Variants in EXOC6B observed in about 807,000 individuals in gnomAD.
EXOC6B encodes the protein exocyst complex component 6B.
EXOC6B carries 54 observed loss-of-function variants against 113.5 expected under a neutral mutation model. The ratio of observed to expected loss-of-function variants is 0.48; its 90% CI spans 0.38 to 0.60. The LOEUF (loss-of-function observed/expected upper bound fraction) is 0.60, where lower values mean the gene tolerates loss of function less well. Among genes scored for constraint, EXOC6B ranks in the 20% least tolerant of loss-of-function variants. The pLI is 0.00. For missense variants in EXOC6B, 797 were observed against 977.5 expected (o/e 0.82, Z 2.46); for synonymous variants, 357 against 339.0 (o/e 1.05, Z -0.58).
intron 1 of EXOC6B, among the ~76,000 whole-genome samples, chr2:72,823,963 C>T (rs576197851): frequency 1.3e-4 from 20 of 152,166 alleles, no homozygotes; most frequent in African/African-American, 4.6e-4. Context: ...ACCATTGACC[C>T]TTAAGAGCTG....
chr2:72,660,765 G>T (rs1433745705), intron 6 of EXOC6B, among the ~76,000 whole-genome samples: 1 of 151,600 alleles, frequency 6.6e-6, no homozygotes, highest in Non-Finnish European at 1.5e-5. Context: ...ATAGTAGGTA[G>T]ATTGAGGAAG....
intron 19 of EXOC6B, among the ~76,000 whole-genome samples, chr2:72,375,832 G>A (rs1334809833): frequency 3.3e-5 from 5 of 152,182 alleles, no homozygotes; most frequent in African/African-American, 9.7e-5. Flanking sequence ...CTAGAAATTA[G>A]CTAGGCATCT....
chr2:72,332,541 A>G (rs1369845552), intron 20 of EXOC6B, among the ~76,000 whole-genome samples: 1 of 152,106 alleles, frequency 6.6e-6, no homozygotes, highest in Non-Finnish European at 1.5e-5. Flanking sequence ...GGTTAAGGTT[A>G]AGTGAGACAG....
intron 7 of EXOC6B, among the ~76,000 whole-genome samples, chr2:72,572,167 C>T (rs548617649): frequency 1.3e-5 from 2 of 152,084 alleles, no homozygotes; most frequent in Non-Finnish European, 2.9e-5. Flanking sequence ...AAGACCCAAA[C>T]ATTCATTTGT....
intron 20 of EXOC6B, among the ~76,000 whole-genome samples, chr2:72,316,021 A>G (rs1156304727): frequency 6.6e-6 from 1 of 152,192 alleles, no homozygotes; most frequent in African/African-American, 2.4e-5. Flanking sequence ...AGATTTTAGC[A>G]TCTTGAATTG....
At chr2:72,317,702 A>G (rs1296206146) in intron 20 of EXOC6B, among the ~76,000 whole-genome samples, 1 of 152,058 alleles carries the variant, frequency 6.6e-6, no homozygotes, top group Non-Finnish European at 1.5e-5. Context: ...TAATGCCGCC[A>G]ATTTACTATT....
intron 8 of EXOC6B, among the ~76,000 whole-genome samples, chr2:72,535,802 G>A (rs761491287): frequency 1.8e-4 from 27 of 151,592 alleles, no homozygotes; most frequent in Non-Finnish European, 2.8e-4. Flanking sequence ...CTGGGGAGGC[G>A]GAAGTTGTGG....
intron 6 of EXOC6B, among the ~76,000 whole-genome samples, chr2:72,606,710 C>A (rs2104045836): frequency 6.6e-6 from 1 of 151,542 alleles, no homozygotes; most frequent in Admixed American, 6.6e-5. Flanking sequence ...TTCACTGCAA[C>A]CTCCACCTCC....
At chr2:72,689,692 T>C (rs1271115843) in intron 6 of EXOC6B, among the ~76,000 whole-genome samples, 1 of 152,174 alleles carries the variant, frequency 6.6e-6, no homozygotes, top group African/African-American at 2.4e-5. Flanking sequence ...CTAGGGATTC[T>C]ACTATCTCTC....
intron 20 of EXOC6B, among the ~76,000 whole-genome samples, chr2:72,187,110 C>T (rs904887922): frequency 1.3e-5 from 2 of 152,070 alleles, no homozygotes; most frequent in African/African-American, 4.8e-5. Flanking sequence ...GCATGGGCAC[C>T]AATTCTCTGT....
At chr2:72,277,642 C>T (rs757375195) in intron 20 of EXOC6B, among the ~76,000 whole-genome samples, 2 of 152,040 alleles carry the variant, frequency 1.3e-5, no homozygotes, top group Non-Finnish European at 2.9e-5. Flanking sequence ...CAAGCGCCCA[C>T]CACCAAACCC....
chr2:72,286,948 AC>A (rs1685470032), intron 20 of EXOC6B, among the ~76,000 whole-genome samples: 1 of 152,174 alleles, frequency 6.6e-6, no homozygotes, highest in Non-Finnish European at 1.5e-5. Flanking sequence ...AAAAAGAAAA[AC>A]ATATCAAGAT....
chr2:72,592,580 A>G (rs1706040936), intron 6 of EXOC6B, among the ~76,000 whole-genome samples: 1 of 152,166 alleles, frequency 6.6e-6, no homozygotes, highest in Non-Finnish European at 1.5e-5. Flanking sequence ...TCTCCAAAAA[A>G]AGATACCATC....
chr2:72,619,177 G>A (rs1402653594), intron 6 of EXOC6B, among the ~76,000 whole-genome samples: 2 of 149,576 alleles, frequency 1.3e-5, no homozygotes, highest in African/African-American at 4.9e-5. Context: ...GAAATACACA[G>A]CCAGAGAGAG....
intron 20 of EXOC6B, among the ~76,000 whole-genome samples, chr2:72,232,954 C>T (rs1293061282): frequency 6.6e-6 from 1 of 151,774 alleles, no homozygotes; most frequent in Admixed American, 6.6e-5. Context: ...TGCCTGTAAT[C>T]CTAGGTACTT....
chr2:72,619,720 A>G (rs531337338), intron 6 of EXOC6B, among the ~76,000 whole-genome samples: 2 of 152,194 alleles, frequency 1.3e-5, no homozygotes, highest in Non-Finnish European at 2.9e-5. Context: ...AATGGCTCCT[A>G]TGAAAAGGGT....
intron 18 of EXOC6B, among the ~76,000 whole-genome samples, chr2:72,393,418 T>C (rs2105122061): frequency 6.6e-6 from 1 of 152,156 alleles, no homozygotes; most frequent in South Asian, 2.1e-4. Flanking sequence ...GGGAGTTTCT[T>C]CTCCATCTTT....
intron 20 of EXOC6B, among the ~76,000 whole-genome samples, chr2:72,288,194 G>C (rs1685561675): frequency 6.6e-6 from 1 of 152,050 alleles, no homozygotes; most frequent in Non-Finnish European, 1.5e-5. Context: ...TGTGTTTTGG[G>C]GATGTGGAAG....
intron 6 of EXOC6B, among the ~76,000 whole-genome samples, chr2:72,641,416 C>T (rs766740762): frequency 2.6e-4 from 39 of 152,274 alleles, no homozygotes; most frequent in Non-Finnish European, 4.8e-4. Context: ...TTTTATCCCA[C>T]GCCTGGATTG....
Sources: gnomAD v4.1 joint callset for allele counts (sites outside exome capture counted in the v4.1 genomes callset) on GRCh38, gnomAD v4.1.1 for gene constraint, MANE v1.5 for transcripts, NCBI Gene and HGNC (gene_info 2026-07-23, HGNC 2026-07-21) for gene names.